RABGAP1L: variants seen among roughly 807,000 people sequenced by gnomAD.
RABGAP1L encodes rab GTPase-activating protein 1-like.
In RABGAP1L, 63 loss-of-function variants were observed where a neutral mutation model predicts 137.7. The observed-to-expected ratio is 0.46, with a 90% CI of 0.37 to 0.56. RABGAP1L has a LOEUF of 0.56. Ranked by LOEUF, RABGAP1L falls within the 20% of genes least tolerant of loss-of-function variation. RABGAP1L has a pLI of 0.00. For missense variants in RABGAP1L, 1,095 were observed against 1,244.0 expected, an observed-to-expected ratio of 0.88 and a Z score of 1.80; for synonymous variants, 431 against 433.7, an observed-to-expected ratio of 0.99 and a Z score of 0.08.
chr1:174,632,869 G>A (rs1261524947), intron 13 of RABGAP1L, among the ~76,000 whole-genome samples: 12 of 150,446 alleles, frequency 8.0e-5, no homozygotes, highest in African/African-American at 2.7e-4. Flanking sequence ...TAATTTGATC[G>A]TCTGAAGCCT....
intron 8 of RABGAP1L, among the ~76,000 whole-genome samples, chr1:174,274,925 C>G (rs1674853726): frequency 1.3e-5 from 2 of 152,110 alleles, no homozygotes; most frequent in Non-Finnish European, 2.9e-5. Context: ...TTAACAGTCT[C>G]TATTCATAAT....
chr1:174,979,622 C>G (rs1558302757), intron 23 of RABGAP1L, among the ~76,000 whole-genome samples: 3 of 152,320 alleles, frequency 2.0e-5, no homozygotes, highest in Admixed American at 2.0e-4. Context: ...GGTAGGCACT[C>G]TTTTTCCTAC....
intron 18 of RABGAP1L, among the ~76,000 whole-genome samples, chr1:174,759,715 G>C (rs1685071519): frequency 6.6e-6 from 1 of 152,198 alleles, no homozygotes; most frequent in Non-Finnish European, 1.5e-5. Context: ...AATCATGGCA[G>C]AAAGCAAGGG....
intron 13 of RABGAP1L, among the ~76,000 whole-genome samples, chr1:174,565,109 T>C (rs1667482097): frequency 6.6e-6 from 1 of 152,144 alleles, no homozygotes; most frequent in Non-Finnish European, 1.5e-5. Flanking sequence ...TAGTGAGGGA[T>C]TCGTGGTTTA....
intron 17 of RABGAP1L, among the ~76,000 whole-genome samples, chr1:174,729,238 A>G (rs1360870103): frequency 1.3e-5 from 2 of 152,220 alleles, no homozygotes; most frequent in Non-Finnish European, 2.9e-5. Context: ...AGGACTCCCT[A>G]TTCAATAAAT....
chr1:174,503,788 G>T (rs1443147261), intron 13 of RABGAP1L, among the ~76,000 whole-genome samples: 1 of 151,512 alleles, frequency 6.6e-6, no homozygotes, highest in Non-Finnish European at 1.5e-5. Context: ...AATTACTCAG[G>T]AATAAATTTT....
intron 1 of RABGAP1L, among the ~76,000 whole-genome samples, chr1:174,169,250 T>C (rs551566897): frequency 1.3e-5 from 2 of 152,082 alleles, no homozygotes; most frequent in Admixed American, 1.3e-4. Context: ...CACGGAGTCT[T>C]GCTCTGTCGC....
chr1:174,435,050 C>T (rs115371809), intron 13 of RABGAP1L, among the ~76,000 whole-genome samples: 2,230 of 152,240 alleles, frequency 0.015, 46 homozygotes, highest in African/African-American at 0.05. Context: ...GAGACACAGT[C>T]TTGCTCTGTC....
chr1:174,386,510 T>C (rs1686792076), intron 12 of RABGAP1L, among the ~76,000 whole-genome samples: 1 of 151,808 alleles, frequency 6.6e-6, no homozygotes, highest in Non-Finnish European at 1.5e-5. Context: ...TGTTTGTGTT[T>C]TCTTTTTTTT....
At chr1:174,616,136 A>T (rs1383465024) in intron 13 of RABGAP1L, among the ~76,000 whole-genome samples, 1 of 152,190 alleles carries the variant, frequency 6.6e-6, no homozygotes, top group Non-Finnish European at 1.5e-5. Flanking sequence ...CTGGTACCTC[A>T]GATGGAAATG....
intron 13 of RABGAP1L, chr1:174,548,229 A>G (rs2147970071): frequency 7.1e-7 from 1 of 1,415,806 alleles, no homozygotes; most frequent in Non-Finnish European, 9.2e-7. Context: ...AATCTACAGA[A>G]TTGAAGCCAA....
At chr1:174,349,044 CGG>C (rs551877098) in intron 11 of RABGAP1L, among the ~76,000 whole-genome samples, 123 of 102,250 alleles carry the variant, frequency 1.2e-3, no homozygotes, top group African/African-American at 2.8e-3. Flanking sequence ...GCTGGCCGGG[CGG>C]GGGGGGGGCT....
At chr1:174,207,199 G>T (rs1474798396) in intron 1 of RABGAP1L, among the ~76,000 whole-genome samples, 1 of 152,098 alleles carries the variant, frequency 6.6e-6, no homozygotes, top group Non-Finnish European at 1.5e-5. Context: ...CTGATTTTTA[G>T]ATTGCAACAG....
intron 12 of RABGAP1L, among the ~76,000 whole-genome samples, chr1:174,379,902 C>G (rs1685962000): frequency 1.5e-5 from 1 of 65,992 alleles, no homozygotes; most frequent in Non-Finnish European, 3.0e-5. Context: ...TTTGCCCATT[C>G]AGTATGATAT....
At chr1:174,195,961 G>C (rs1667656644) in intron 1 of RABGAP1L, among the ~76,000 whole-genome samples, 1 of 148,184 alleles carries the variant, frequency 6.7e-6, no homozygotes, top group African/African-American at 2.5e-5. Context: ...TCAGCCTCCT[G>C]AGTAGCTGGG....
At chr1:174,730,090 G>A (rs1445869256) in intron 17 of RABGAP1L, among the ~76,000 whole-genome samples, 1 of 151,706 alleles carries the variant, frequency 6.6e-6, no homozygotes, top group Non-Finnish European at 1.5e-5. Context: ...AAGAAAATAT[G>A]GTACACATAT....
chr1:174,339,899 A>G (rs999474884), intron 11 of RABGAP1L, among the ~76,000 whole-genome samples: 2 of 151,964 alleles, frequency 1.3e-5, no homozygotes, highest in African/African-American at 4.8e-5. Context: ...GAGCCACCGC[A>G]CCCTTGAATG....
chr1:174,704,958 T>C (rs921319375), intron 17 of RABGAP1L, among the ~76,000 whole-genome samples: 11 of 152,200 alleles, frequency 7.2e-5, no homozygotes, highest in Admixed American at 4.6e-4. Context: ...TTTTATATAC[T>C]GAGCTGAGTT....
At chr1:174,251,557 A>AT (rs932906357) in intron 6 of RABGAP1L, among the ~76,000 whole-genome samples, 1 of 151,938 alleles carries the variant, frequency 6.6e-6, no homozygotes, top group Non-Finnish European at 1.5e-5. Context: ...TGCTCAAGAT[A>AT]TTTTTTCTTT....
Sources: allele counts gnomAD v4.1 joint callset (sites outside exome capture counted in the v4.1 genomes callset), GRCh38; gene constraint gnomAD v4.1.1; transcripts MANE v1.5; gene names NCBI Gene and HGNC (gene_info 2026-07-23, HGNC 2026-07-21).